CPT1A: variants seen among roughly 807,000 people sequenced by gnomAD.
CPT1A encodes the protein carnitine O-palmitoyltransferase 1, liver isoform.
Under a neutral mutation model 100.8 loss-of-function variants are expected in CPT1A, and 64 were observed. The observed-to-expected ratio is 0.63, with a 90% CI of 0.52 to 0.78. The LOEUF (loss-of-function observed/expected upper bound fraction) is 0.78. Among genes scored for constraint, CPT1A ranks in the 30% least tolerant of loss-of-function variants. CPT1A has a pLI of 0.00. For synonymous variants in CPT1A, 363 were observed against 396.0 expected (o/e 0.92, Z 0.99); for missense variants, 802 against 1,034.1 (o/e 0.78, Z 3.08).
At chr11:68,794,759 A>C in intron 8 of CPT1A, 45 bp downstream of exon 8, 6 of 1,460,180 alleles carry the variant, frequency 4.1e-6, no homozygotes, top group Non-Finnish European at 5.8e-6. Context: ...ATACCTCTGT[A>C]AAGCTGTTTG....
chr11:68,787,755 T>C (rs1038193025), intron 9 of CPT1A, among the ~76,000 whole-genome samples: 4 of 151,626 alleles, frequency 2.6e-5, no homozygotes, highest in African/African-American at 9.7e-5. Context: ...CAGCCTGGCC[T>C]ACATGGTGAA....
At chr11:68,761,981 C>T (rs998197384) in intron 15 of CPT1A, among the ~76,000 whole-genome samples, 16 of 152,084 alleles carry the variant, frequency 1.1e-4, no homozygotes, top group Admixed American at 2.0e-4. Flanking sequence ...TGGGGATCAG[C>T]GGAAAGCACC....
intron 1 of CPT1A, among the ~76,000 whole-genome samples, chr11:68,819,282 G>C (rs978184109): frequency 6.6e-6 from 1 of 152,102 alleles, no homozygotes; most frequent in African/African-American, 2.4e-5. Flanking sequence ...GTTTCACCAT[G>C]TTGGCCAGGC....
At chr11:68,816,900 G>A in intron 1 of CPT1A, among the ~76,000 whole-genome samples, 1 of 91,848 alleles carries the variant, frequency 1.1e-5, no homozygotes. Flanking sequence ...TGTGGTGTGT[G>A]TGGGTGTGTG....
chr11:68,815,963 C>T (rs1234441680), intron 1 of CPT1A, among the ~76,000 whole-genome samples: 1 of 143,162 alleles, frequency 7.0e-6, no homozygotes, highest in Admixed American at 7.0e-5. Flanking sequence ...CCGGGAACCA[C>T]GCCTCCAAGC....
Position 68,781,865 on chromosome 11 carries a change from A to G in CPT1A, c.1258T>C (p.Leu420=). The G allele has an allele frequency of 6.2e-7, 1 of 1,614,026 alleles. No homozygotes were observed. The highest frequency in any genetic ancestry group is 8.5e-7 in the Non-Finnish European group (1 of 1,179,998). ...CTGTATCCTTCTTCAGTTTCATCTA[A>G]CGTCACAAAGAACGCTGCTTTCTCC... ...AVEKAAFFVT[L]DETEEGYRSE... Residue 420 remains leucine, a synonymous_variant, in exon 11 of 19, where the codon TTA becomes CTA. Coordinates refer to ENST00000265641, the MANE Select transcript of CPT1A (RefSeq NM_001876.4).
chr11:68,828,279 A>G (rs954300002), intron 1 of CPT1A, among the ~76,000 whole-genome samples: 2 of 152,194 alleles, frequency 1.3e-5, no homozygotes, highest in African/African-American at 4.8e-5. Context: ...TCGCTGCCAC[A>G]TCGGCCCCAG....
At chr11:68,832,628 G>A (rs1856907807) in intron 1 of CPT1A, among the ~76,000 whole-genome samples, 1 of 152,312 alleles carries the variant, frequency 6.6e-6, no homozygotes, top group Non-Finnish European at 1.5e-5. Flanking sequence ...TGAGATTGCA[G>A]CCAGCAATAA....
At position 68,761,673 on chromosome 11, in the gene CPT1A, C is replaced by T. The variant is rs1854622746; in HGVS notation, c.1890G>A (p.Leu630=). The T allele has an allele frequency of 6.2e-7, 1 of 1,614,208 alleles. No individual in the cohort carries two copies. The highest frequency in any genetic ancestry group is 8.5e-7 in the Non-Finnish European group (1 of 1,180,036). ...TCTCAGACGCCAACTTGAACAACTT[C>T]AGCCTCTGTTCCACCTGAGTGACAA... is the stretch of plus-strand genomic sequence containing the variant. ...VDPAQTVEQR[L]KLFKLASEKH... The change falls in exon 16 of 19, where the codon CTG becomes CTA. Residue 630 remains leucine (L), a synonymous_variant. Coordinates refer to ENST00000265641, the MANE Select transcript of CPT1A (RefSeq NM_001876.4).
At chr11:68,802,851 C>T (rs886593594) in intron 5 of CPT1A, among the ~76,000 whole-genome samples, 4 of 145,146 alleles carry the variant, frequency 2.8e-5, no homozygotes, top group Non-Finnish European at 4.5e-5. Context: ...GAGCCAAGAT[C>T]GCGCCACTGC....
Position 68,766,388 on chromosome 11 carries a change from T to C in CPT1A, c.1741-3627A>G, listed in dbSNP as rs141561283. ...TAAAACCACAGGGAGGCTCTGCAGC[T>C]CCCAGCTGGGTTGAGATCGGTCTGA... On this transcript the variant is annotated intron_variant, in intron 14 of 18. Transcript: ENST00000265641. 1.3e-3 allele frequency among the ~76,000 whole-genome samples: 203 copies of C among 152,270 alleles called. 1 individual carries two copies. The highest frequency in any genetic ancestry group is 4.7e-3 in the African/African-American group (196 of 41,552).
At position 68,793,810 on chromosome 11, in the gene CPT1A, G is replaced by T. The variant is rs76355479; in HGVS notation, c.880-408C>A. 4.3e-3 allele frequency among the ~76,000 whole-genome samples: 656 copies of T among 152,010 alleles called. 6 individuals are homozygous for T. Among genetic ancestry groups the T allele is most frequent in the African/African-American group, 0.015 (626 of 41,500 alleles). On this transcript the variant is annotated intron_variant, in intron 8 of 18. Coordinates refer to ENST00000265641, the MANE Select transcript of CPT1A (RefSeq NM_001876.4). ...AAGCAAGTTAAGACCACATGGAAAT[G>T]CTGAATGTGTTTTCTGTGCGAATTG...
chr11:68,760,440 T>G (rs2153994814), intron 16 of CPT1A, 102 bp from the exon 17 acceptor site: 1 of 887,200 alleles, frequency 1.1e-6, no homozygotes, highest in Non-Finnish European at 1.8e-6. Context: ...CTTTTGATTG[T>G]TCCACACACC....
chr11:68,827,841 C>T (rs944202575), intron 1 of CPT1A, among the ~76,000 whole-genome samples: 1 of 152,192 alleles, frequency 6.6e-6, no homozygotes, highest in African/African-American at 2.4e-5. Context: ...CAACTTGCTT[C>T]TCGTCCACAT....
intron 12 of CPT1A, among the ~76,000 whole-genome samples, chr11:68,779,735 A>G (rs1267169489): frequency 6.6e-6 from 1 of 150,736 alleles, no homozygotes; most frequent in South Asian, 2.1e-4. Context: ...GGTCAAGGCT[A>G]CAGTGAGCTA....
chr11:68,781,631 T>C, intron 11 of CPT1A, 140 bp downstream of exon 11: 1 of 863,794 alleles, frequency 1.2e-6, no homozygotes, highest in Non-Finnish European at 1.9e-6. Context: ...AAAAATAAAA[T>C]AAAATAAAAC....
rs568690318 is a variant in CPT1A, at chr11:68,830,940, A to G, written c.-14+10835T>C. Reference sequence around the variant, plus strand: ...AGGACATGAATCCTTGTGTCATCCGAATTGAATCCTGAAGACTATGGACAG... The same window carrying G: ...AGGACATGAATCCTTGTGTCATCCGGATTGAATCCTGAAGACTATGGACAG... On this transcript the variant is annotated intron_variant, in intron 1 of 18. Transcript: ENST00000265641. Among the ~76,000 whole-genome samples, 17 of 152,300 alleles carry G rather than the reference A, an allele frequency of 1.1e-4. No homozygotes were observed. The East Asian group carries it at 3.3e-3, about 29-fold the overall frequency.
chr11:68,754,661 C>A, downstream of CPT1A: 1 of 650,582 alleles, frequency 1.5e-6, no homozygotes, highest in Non-Finnish European at 2.9e-6. Context: ...ATGTGTCAGG[C>A]ACTGTTCTCA....
chr11:68,837,058 T>A (rs1235835411), intron 1 of CPT1A, among the ~76,000 whole-genome samples: 1 of 152,158 alleles, frequency 6.6e-6, no homozygotes, highest in East Asian at 1.9e-4. Flanking sequence ...TCTCTTTTCT[T>A]TTCTTTTTTG....
Sources: gnomAD v4.1 joint callset for allele counts (sites outside exome capture counted in the v4.1 genomes callset) on GRCh38, gnomAD v4.1.1 for gene constraint, MANE v1.5 for transcripts, NCBI Gene and HGNC (gene_info 2026-07-23, HGNC 2026-07-21) for gene names.